Variants in FARP1 observed in about 807,000 individuals in gnomAD.
The protein encoded by FARP1 is FERM, ARH/RhoGEF and pleckstrin domain protein 1.
FARP1 carries 52 observed loss-of-function variants against 128.8 expected under a neutral mutation model. The ratio of observed to expected loss-of-function variants is 0.40; its 90% CI spans 0.32 to 0.51. The LOEUF is 0.51. Among genes scored for constraint, FARP1 ranks in the 20% least tolerant of loss-of-function variants. The probability of loss-of-function intolerance (pLI) is 0.45; values close to 1 mark genes in which losing one functional copy is unlikely to be tolerated. For missense variants in FARP1, 1,333 were observed against 1,367.9 expected (o/e 0.97, Z 0.40); for synonymous variants, 580 against 551.8 (o/e 1.05, Z -0.72).
intron 24 of FARP1, among the ~76,000 whole-genome samples, chr13:98,444,546 AG>A (rs1892700112): frequency 6.6e-6 from 1 of 152,134 alleles, no homozygotes; most frequent in African/African-American, 2.4e-5. Flanking sequence ...CATGGCGCGC[AG>A]GGCCCGTAAC....
intron 2 of FARP1, among the ~76,000 whole-genome samples, chr13:98,250,537 A>G (rs1029405248): frequency 1.3e-5 from 2 of 152,142 alleles, no homozygotes; most frequent in Admixed American, 1.3e-4. Context: ...CGTGGCTAAC[A>G]TGGTGAAACC....
chr13:98,289,843 A>G (rs1361925820), intron 2 of FARP1, among the ~76,000 whole-genome samples: 2 of 152,184 alleles, frequency 1.3e-5, no homozygotes, highest in African/African-American at 4.8e-5. Flanking sequence ...CAGGGACCCA[A>G]TGAGATGGAA....
rs1425995724 is a variant in FARP1 at position 98,213,368 on chromosome 13, C to T, written c.126C>T (p.Ile42=). 4 of 1,613,994 alleles carry T rather than the reference C, an allele frequency of 2.5e-6. No homozygotes were observed. Among genetic ancestry groups the T allele is most frequent in the Non-Finnish European group, 3.4e-6 (4 of 1,180,010 alleles). Residue 42 remains isoleucine, a synonymous_variant, in exon 2 of 27, where the codon ATC becomes ATT. Coordinates refer to ENST00000319562, the MANE Select transcript of FARP1 (RefSeq NM_005766.4). ...PPTPSGKLVS[I]KIQMLDDTQE... Reference sequence around the variant, plus strand: ...CACCTTCAGGAAAACTCGTGTCCATCAAAATCCAGATGCTGGATGACACCC... The same window carrying T: ...CACCTTCAGGAAAACTCGTGTCCATTAAAATCCAGATGCTGGATGACACCC...
At chr13:98,367,950 A>AATT (rs1224698963) in intron 4 of FARP1, among the ~76,000 whole-genome samples, 167 bp from the exon 5 acceptor site, 1 of 152,330 alleles carries the variant, frequency 6.6e-6, no homozygotes, top group Admixed American at 6.5e-5. Context: ...TGGAAGTGTG[A>AATT]ATTAGTAGCT....
chr13:98,190,940 A>G (rs1594250651), intron 1 of FARP1, among the ~76,000 whole-genome samples: 1 of 152,148 alleles, frequency 6.6e-6, no homozygotes, highest in East Asian at 1.9e-4. Flanking sequence ...TGACTCCAGA[A>G]TACCAATTAC....
chr13:98,250,336 T>C (rs1378055045), intron 2 of FARP1, among the ~76,000 whole-genome samples: 2 of 152,238 alleles, frequency 1.3e-5, no homozygotes, highest in Admixed American at 1.3e-4. Flanking sequence ...ACATGATTTG[T>C]TTCTTTCTCA....
At chr13:98,259,603 G>T (rs1420973983) in intron 2 of FARP1, among the ~76,000 whole-genome samples, 4 of 152,148 alleles carry the variant, frequency 2.6e-5, no homozygotes, top group Non-Finnish European at 4.4e-5. Context: ...TACAGTGTTT[G>T]ATTATAAAAA....
intron 1 of FARP1, among the ~76,000 whole-genome samples, chr13:98,207,203 G>C (rs1280533650): frequency 6.6e-6 from 1 of 152,160 alleles, no homozygotes; most frequent in Non-Finnish European, 1.5e-5. Flanking sequence ...TATGATAACA[G>C]AGAGAAAGTA....
At chr13:98,213,150 C>T (rs1319354013) in intron 1 of FARP1, 70 bp from the exon 2 acceptor site, 4 of 1,326,538 alleles carry the variant, frequency 3.0e-6, no homozygotes, top group Non-Finnish European at 3.1e-6. Context: ...GGGTGGGGTT[C>T]AAGGTGGCAC....
chr13:98,372,269 T>C (rs1469208676), intron 5 of FARP1, among the ~76,000 whole-genome samples: 3 of 152,054 alleles, frequency 2.0e-5, no homozygotes, highest in Non-Finnish European at 4.4e-5. Context: ...GTATTTTTAG[T>C]AGAGACGGGG....
chr13:98,449,453 G>A lies in FARP1; in HGVS notation c.*1136G>A, dbSNP rs1893077619. 6.6e-6 allele frequency: 1 copy of A among 152,220 alleles called. No homozygotes were observed. Among genetic ancestry groups the A allele is most frequent in the Non-Finnish European group, 1.5e-5 (1 of 68,054 alleles). The allele number at this position is 152,220 out of a possible 1,614,324, so 9.4% of individuals were successfully genotyped here. A position where few individuals can be genotyped will look rare whatever the true frequency, so the allele number is the denominator to read the frequency against. On this transcript the variant is annotated 3_prime_UTR_variant, in exon 27 of 27. Transcript: ENST00000319562. The stretch of plus-strand genomic sequence containing the variant: ...TGCCTGTTCTCGATGGTGATGGGGT[G>A]GCTGCCATTCCCTTGGTTTTCCTAA...
At chr13:98,417,513 A>G (rs7332039) in intron 16 of FARP1, among the ~76,000 whole-genome samples, 25,159 of 147,684 alleles carry the variant, frequency 0.17, 2,413 homozygotes, top group Middle Eastern at 0.26. Context: ...GGTCCAGAAG[A>G]TAGCCGGTCT....
At chr13:98,419,483 TACACACACACAC>T (rs57751374) in intron 16 of FARP1, among the ~76,000 whole-genome samples, 2 of 139,956 alleles carry the variant, frequency 1.4e-5, no homozygotes, top group African/African-American at 5.4e-5. Flanking sequence ...CAAAAAAAAA[TACACACACACAC>T]ACACACACAC....
chr13:98,341,711 A>C (rs995290441), intron 2 of FARP1, among the ~76,000 whole-genome samples: 1 of 152,254 alleles, frequency 6.6e-6, no homozygotes, highest in African/African-American at 2.4e-5. Flanking sequence ...TTGTCTCCCA[A>C]GATTTGATCT....
At chr13:98,196,207 T>C (rs557216364) in intron 1 of FARP1, among the ~76,000 whole-genome samples, 17 of 152,266 alleles carry the variant, frequency 1.1e-4, no homozygotes, top group African/African-American at 3.9e-4. Flanking sequence ...GCATCTAAAA[T>C]GACTGAATCA....
At position 98,372,498 on chromosome 13, in the gene FARP1, G is replaced by A. The variant is rs374766801; in HGVS notation, c.398+4303G>A. ...GGCATCCCGTCTTCAGTTGGATCCA[G>A]CTTCTACTTGCCTGTGTTCTTATAG... On this transcript the variant is annotated intron_variant, in intron 5 of 26. Coordinates refer to ENST00000319562, the MANE Select transcript of FARP1 (RefSeq NM_005766.4). Among the ~76,000 whole-genome samples, 26 of 152,206 alleles carry A rather than the reference G, an allele frequency of 1.7e-4. No individual in the cohort carries two copies. The East Asian group carries it at 5.0e-3, about 29-fold the overall frequency.
intron 3 of FARP1, among the ~76,000 whole-genome samples, chr13:98,351,622 A>AAG (rs926448782): frequency 6.6e-5 from 10 of 152,048 alleles, no homozygotes; most frequent in Non-Finnish European, 1.5e-5. Flanking sequence ...AAAAAAAAAA[A>AAG]AAAAGAAAGA....
Position 98,263,294 on chromosome 13 carries a change from C to A in FARP1, c.171+49881C>A, listed in dbSNP as rs1018086835. Among the ~76,000 whole-genome samples the A allele has an allele frequency of 7.9e-5, 12 of 152,262 alleles. 1 individual carries two copies. The highest frequency in any genetic ancestry group is 2.0e-4 in the Admixed American group (3 of 15,282). On this transcript the variant is annotated intron_variant, in intron 2 of 26. Transcript: ENST00000319562. ...AAGTGCTGAGATTACAGGCATGAGC[C>A]ACCACGCCCGGCCACACTACTTTTA...
chr13:98,370,830 G>A lies in FARP1; in HGVS notation c.398+2635G>A, dbSNP rs561135222. ...GCTGCTAATCATCCACGTCCACTTAGAACCCTCAAATCAGCGAAGAAGGCA... is the reference window on the plus strand; with the variant it reads ...GCTGCTAATCATCCACGTCCACTTAAAACCCTCAAATCAGCGAAGAAGGCA... On this transcript the variant is annotated intron_variant, in intron 5 of 26. Coordinates refer to ENST00000319562, the MANE Select transcript of FARP1 (RefSeq NM_005766.4). 1.8e-4 allele frequency among the ~76,000 whole-genome samples: 27 copies of A among 152,242 alleles called. 2 individuals carry two copies. In the South Asian group the frequency reaches 5.6e-3, roughly 32 times the overall value.
Sources: allele counts gnomAD v4.1 joint callset (sites outside exome capture counted in the v4.1 genomes callset), GRCh38; gene constraint gnomAD v4.1.1; transcripts MANE v1.5; gene names NCBI Gene and HGNC (gene_info 2026-07-23, HGNC 2026-07-21).